The following FTO variants were observed in gnomAD, a reference collection of about 807,000 sequenced individuals.
The protein encoded by FTO is alpha-ketoglutarate-dependent dioxygenase FTO.
Under a neutral mutation model 63.9 loss-of-function variants are expected in FTO, and 47 were observed. That is an observed-to-expected ratio of 0.74 (90% CI 0.58 to 0.94). FTO has a LOEUF of 0.94. Ranked by LOEUF, FTO falls within the 40% of genes least tolerant of loss-of-function variation. The pLI is 0.00. For synonymous variants in FTO, 207 were observed against 224.4 expected, an observed-to-expected ratio of 0.92 and a Z score of 0.69; for missense variants, 562 against 618.1, an observed-to-expected ratio of 0.91 and a Z score of 0.96.
At chr16:54,034,014 C>T (rs1324609804) in intron 8 of FTO, 2 of 152,084 alleles carry the variant, frequency 1.3e-5, no homozygotes, top group Non-Finnish European at 2.9e-5. Context: ...ATGTAAGTAT[C>T]ACTTCTGAGG....
At chr16:53,982,846 A>G (rs1444446735) in intron 8 of FTO, among the ~76,000 whole-genome samples, 3 of 152,206 alleles carry the variant, frequency 2.0e-5, no homozygotes, top group African/African-American at 7.2e-5. Context: ...ACATGAAAAT[A>G]AGACTCTTGA....
At chr16:53,954,963 T>C (rs1374006769) in intron 8 of FTO, among the ~76,000 whole-genome samples, 1 of 152,076 alleles carries the variant, frequency 6.6e-6, no homozygotes, top group East Asian at 1.9e-4. Context: ...AACTCTTTGG[T>C]GGACCTCTAT....
At chr16:53,714,908 A>C (rs1169725143) in intron 1 of FTO, among the ~76,000 whole-genome samples, 1 of 152,118 alleles carries the variant, frequency 6.6e-6, no homozygotes, top group Admixed American at 6.5e-5. Flanking sequence ...TTAATGCTGG[A>C]ACCATTACAG....
intron 8 of FTO, among the ~76,000 whole-genome samples, chr16:53,973,845 G>A (rs1261467615): frequency 6.6e-6 from 1 of 152,166 alleles, no homozygotes; most frequent in East Asian, 1.9e-4. Flanking sequence ...TTATACTAAA[G>A]ATCTGTCCAC....
rs964632452 is a variant in FTO, at chr16:53,746,674, A to T, written c.45+42445A>T. ...ATAATTAACATATATATCAGGTCAA[A>T]TACTTACCATTCCTTTGTGGTTAGA... On this transcript the variant is annotated intron_variant, in intron 1 of 8. Coordinates refer to ENST00000471389, the MANE Select transcript of FTO (RefSeq NM_001080432.3). Among the ~76,000 whole-genome samples the T allele has an allele frequency of 7.2e-5, 11 of 152,208 alleles. No individual in the cohort carries two copies. In the East Asian group the frequency reaches 2.1e-3, roughly 29 times the overall value.
intron 1 of FTO, among the ~76,000 whole-genome samples, chr16:53,779,219 T>C (rs2077531189): frequency 6.6e-6 from 1 of 152,176 alleles, no homozygotes. Context: ...ACTGATCATG[T>C]AATAGAAGAA....
At chr16:54,014,697 A>C (rs1798987416) in intron 8 of FTO, among the ~76,000 whole-genome samples, 1 of 152,028 alleles carries the variant, frequency 6.6e-6, no homozygotes, top group Non-Finnish European at 1.5e-5. Context: ...TGACTGAACC[A>C]AGGAATCACC....
intron 7 of FTO, among the ~76,000 whole-genome samples, chr16:53,913,910 C>T (rs181441928): frequency 1.3e-5 from 2 of 148,712 alleles, no homozygotes; most frequent in Admixed American, 1.4e-4. Flanking sequence ...ACCCTGGGGG[C>T]GGAGGCTGCT....
chr16:53,841,709 A>AT (rs2079483326), intron 3 of FTO, among the ~76,000 whole-genome samples: 1 of 151,860 alleles, frequency 6.6e-6, no homozygotes, highest in South Asian at 2.1e-4. Flanking sequence ...GAATTTAGGG[A>AT]TTCTGTGTGT....
At chr16:53,903,389 G>A (rs12102397) in intron 7 of FTO, among the ~76,000 whole-genome samples, 101,436 of 151,706 alleles carry the variant, frequency 0.67, 36,273 homozygotes, top group East Asian at 0.98. Context: ...CTCCCGAGTC[G>A]CTGGGATTCC....
intron 1 of FTO, among the ~76,000 whole-genome samples, chr16:53,796,580 G>A (rs2078077882): frequency 6.6e-6 from 1 of 152,158 alleles, no homozygotes; most frequent in Non-Finnish European, 1.5e-5. Context: ...AAGAAAATAT[G>A]ATACATTTGA....
intron 8 of FTO, among the ~76,000 whole-genome samples, chr16:54,085,554 A>G (rs961442883): frequency 6.6e-6 from 1 of 152,150 alleles, no homozygotes; most frequent in East Asian, 1.9e-4. Flanking sequence ...TCCATCAGCC[A>G]TGTCCCTCAT....
At chr16:53,970,613 G>GA (rs1402784692) in intron 8 of FTO, among the ~76,000 whole-genome samples, 9 of 148,094 alleles carry the variant, frequency 6.1e-5, no homozygotes, top group South Asian at 2.1e-4. Context: ...AAAAAGAAAA[G>GA]AAAAAAGAAA....
intron 8 of FTO, among the ~76,000 whole-genome samples, chr16:53,936,783 T>C (rs2082400472): frequency 6.6e-6 from 1 of 152,234 alleles, no homozygotes; most frequent in Non-Finnish European, 1.5e-5. Context: ...TGACTCTAAT[T>C]ACCTTATATT....
At chr16:53,726,311 TCG>T (rs2076152504) in intron 1 of FTO, among the ~76,000 whole-genome samples, 1 of 152,250 alleles carries the variant, frequency 6.6e-6, no homozygotes, top group Non-Finnish European at 1.5e-5. Context: ...ATGTTGAAAC[TCG>T]TCCTTCTTAA....
chr16:54,083,454 T>C (rs1031111155), intron 8 of FTO, among the ~76,000 whole-genome samples: 2 of 152,234 alleles, frequency 1.3e-5, no homozygotes, highest in Non-Finnish European at 2.9e-5. Flanking sequence ...ATAAAAAGCA[T>C]GCTCTTTATC....
intron 2 of FTO, among the ~76,000 whole-genome samples, chr16:53,811,513 CA>C (rs1470516769): frequency 2.0e-5 from 3 of 152,142 alleles, no homozygotes; most frequent in Non-Finnish European, 2.9e-5. Flanking sequence ...ATTTGATCTG[CA>C]CCATCTTTCC....
intron 8 of FTO, among the ~76,000 whole-genome samples, chr16:54,106,249 G>A (rs1010804547): frequency 1.3e-5 from 2 of 151,968 alleles, no homozygotes; most frequent in African/African-American, 2.4e-5. Context: ...CCCTTCATGA[G>A]TTACACCTTG....
intron 5 of FTO, among the ~76,000 whole-genome samples, chr16:53,874,405 G>C (rs1016391727): frequency 1.3e-5 from 2 of 152,288 alleles, no homozygotes; most frequent in Admixed American, 1.3e-4. Context: ...AATGGCCCAT[G>C]GTTAGCTGTT....
Sources: gnomAD v4.1 joint callset for allele counts (sites outside exome capture counted in the v4.1 genomes callset) on GRCh38, gnomAD v4.1.1 for gene constraint, MANE v1.5 for transcripts, NCBI Gene and HGNC (gene_info 2026-07-23, HGNC 2026-07-21) for gene names.